Variants in PDE4D observed in about 807,000 individuals in gnomAD.
The protein encoded by PDE4D is phosphodiesterase 4D, also known as 3',5'-cyclic-AMP phosphodiesterase 4D.
PDE4D carries 24 observed loss-of-function variants against 87.4 expected under a neutral mutation model. The ratio of observed to expected loss-of-function variants is 0.27; its 90% CI spans 0.20 to 0.39. The LOEUF is 0.39. Among genes scored for constraint, PDE4D ranks in the 10% least tolerant of loss-of-function variants. PDE4D has a pLI of 1.00. For synonymous variants in PDE4D, 384 were observed against 383.2 expected (o/e 1.00, Z -0.02); for missense variants, 714 against 1,041.0 (o/e 0.69, Z 4.32).
intron 5 of PDE4D, among the ~76,000 whole-genome samples, chr5:59,058,750 G>A (rs924551634): frequency 6.6e-6 from 1 of 151,444 alleles, no homozygotes; most frequent in Non-Finnish European, 1.5e-5. Flanking sequence ...ACAGACACCT[G>A]TCTACAAAGA....
chr5:60,186,185 A>G lies in PDE4D; in HGVS notation c.-89-498T>C, dbSNP rs550746655. Among the ~76,000 whole-genome samples the G allele has an allele frequency of 3.9e-5, 6 of 152,282 alleles. No individual in the cohort carries two copies. The East Asian group carries it at 1.2e-3, about 29-fold the overall frequency. On this transcript the variant is annotated intron_variant, in intron 1 of 16. Transcript: ENST00000502484. Reference sequence around the variant, plus strand: ...AATAATCAATAGTACCTTGAAGCCAATCCAATGACTCTTCAGTAAATTTAG... The same window carrying G: ...AATAATCAATAGTACCTTGAAGCCAGTCCAATGACTCTTCAGTAAATTTAG...
chr5:60,121,698 G>A (rs1582762284), intron 2 of PDE4D, among the ~76,000 whole-genome samples: 2 of 152,070 alleles, frequency 1.3e-5, no homozygotes, highest in South Asian at 4.1e-4. Flanking sequence ...TTTGGGTGGG[G>A]ACACGGAGCT....
intron 5 of PDE4D, among the ~76,000 whole-genome samples, chr5:59,059,220 C>T (rs910515431): frequency 1.3e-5 from 2 of 152,112 alleles, no homozygotes; most frequent in Non-Finnish European, 2.9e-5. Context: ...CCATAAACCC[C>T]ACTGGAAATT....
chr5:59,602,593 C>G (rs1431471681), intron 1 of PDE4D, among the ~76,000 whole-genome samples: 1 of 151,854 alleles, frequency 6.6e-6, no homozygotes, highest in East Asian at 1.9e-4. Flanking sequence ...ATTAAAATGT[C>G]CATATCTGAA....
intron 1 of PDE4D, among the ~76,000 whole-genome samples, chr5:59,475,529 G>A (rs891871823): frequency 2.0e-5 from 3 of 152,152 alleles, no homozygotes; most frequent in Admixed American, 2.0e-4. Flanking sequence ...GTTTTGCAGA[G>A]CAGGAACCAT....
intron 1 of PDE4D, among the ~76,000 whole-genome samples, chr5:60,209,976 C>CA (rs1403295573): frequency 6.6e-6 from 1 of 151,946 alleles, no homozygotes; most frequent in Non-Finnish European, 1.5e-5. Flanking sequence ...AGCTATAAGG[C>CA]AAAATACATT....
intron 10 of PDE4D, 59 bp from the exon 11 acceptor site, chr5:58,988,651 A>G: frequency 2.9e-6 from 2 of 698,528 alleles, no homozygotes; most frequent in Non-Finnish European, 2.2e-6. Context: ...AATTAAAAGT[A>G]TAAACAAATA....
intron 1 of PDE4D, among the ~76,000 whole-genome samples, chr5:60,355,906 G>T (rs1759579758): frequency 6.6e-6 from 1 of 152,090 alleles, no homozygotes; most frequent in Non-Finnish European, 1.5e-5. Flanking sequence ...GGGTAGCAGA[G>T]CCAGAAGAAA....
At chr5:60,064,646 T>C (rs573843996) in intron 2 of PDE4D, among the ~76,000 whole-genome samples, 1 of 152,254 alleles carries the variant, frequency 6.6e-6, no homozygotes, top group Non-Finnish European at 1.5e-5. Flanking sequence ...AAATATGCCA[T>C]TCAAAAACTG....
At chr5:59,569,700 C>T (rs1393615270) in intron 1 of PDE4D, among the ~76,000 whole-genome samples, 2 of 152,140 alleles carry the variant, frequency 1.3e-5, no homozygotes, top group Non-Finnish European at 2.9e-5. Context: ...AAGAACTAGC[C>T]TCTTCCCAGT....
chr5:60,056,361 C>G (rs1009650227), intron 2 of PDE4D, among the ~76,000 whole-genome samples: 3 of 152,034 alleles, frequency 2.0e-5, no homozygotes, highest in African/African-American at 7.2e-5. Flanking sequence ...GCTCAAATGT[C>G]TGTCATAATG....
chr5:60,431,375 C>G (rs577403975), intron 1 of PDE4D, among the ~76,000 whole-genome samples: 1 of 149,886 alleles, frequency 6.7e-6, no homozygotes, highest in African/African-American at 2.5e-5. Flanking sequence ...CGGGCAGAGA[C>G]GCTCCTCACC....
intron 1 of PDE4D, among the ~76,000 whole-genome samples, chr5:60,440,728 C>CA (rs1745139189): frequency 6.6e-6 from 1 of 152,038 alleles, no homozygotes; most frequent in Non-Finnish European, 1.5e-5. Context: ...AAATAGCAGA[C>CA]TAATAATAAT....
intron 1 of PDE4D, among the ~76,000 whole-genome samples, chr5:60,185,996 T>A (rs888923401): frequency 6.6e-6 from 1 of 151,048 alleles, no homozygotes; most frequent in African/African-American, 2.4e-5. Context: ...AAAATGAAGA[T>A]GCAAACTGAA....
intron 1 of PDE4D, among the ~76,000 whole-genome samples, chr5:60,455,678 A>G (rs1746415617): frequency 6.6e-6 from 1 of 152,190 alleles, no homozygotes; most frequent in South Asian, 2.1e-4. Context: ...TCATGAAATA[A>G]TAATAGCAAT....
chr5:60,475,253 A>C (rs1212622563), intron 1 of PDE4D, among the ~76,000 whole-genome samples: 2 of 152,204 alleles, frequency 1.3e-5, no homozygotes, highest in South Asian at 2.1e-4. Flanking sequence ...ACTGACAGAG[A>C]CTAAGGCTCA....
chr5:59,032,018 T>TATTG (rs376564640), intron 6 of PDE4D, among the ~76,000 whole-genome samples: 1 of 41,756 alleles, frequency 2.4e-5, no homozygotes, highest in Non-Finnish European at 7.4e-5. Context: ...TTTAGTGATC[T>TATTG]ATTGCACTGC....
intron 5 of PDE4D, among the ~76,000 whole-genome samples, chr5:59,049,198 G>A (rs1485031253): frequency 6.6e-6 from 1 of 151,992 alleles, no homozygotes; most frequent in Non-Finnish European, 1.5e-5. Context: ...TTATATTTGT[G>A]TCTAGGCCTT....
intron 1 of PDE4D, among the ~76,000 whole-genome samples, chr5:59,579,039 C>G (rs1823636182): frequency 6.6e-6 from 1 of 152,100 alleles, no homozygotes; most frequent in East Asian, 1.9e-4. Context: ...TGAAATATAA[C>G]TTACCCCCAG....
Sources: gnomAD v4.1 joint callset for allele counts (sites outside exome capture counted in the v4.1 genomes callset) on GRCh38, gnomAD v4.1.1 for gene constraint, MANE v1.5 for transcripts, NCBI Gene and HGNC (gene_info 2026-07-23, HGNC 2026-07-21) for gene names.